The following IRAK2 variants were observed in gnomAD, a reference collection of about 807,000 sequenced individuals.
IRAK2 encodes the protein interleukin-1 receptor-associated kinase-like 2.
Under a neutral mutation model 72.0 loss-of-function variants are expected in IRAK2, and 57 were observed. That is an observed-to-expected ratio of 0.79 (90% CI 0.64 to 0.99). The LOEUF is 0.99. IRAK2 is among the 50% of genes least tolerant of loss of function. IRAK2 has a pLI of 0.00. For missense variants in IRAK2, 790 were observed against 794.4 expected, an observed-to-expected ratio of 0.99 and a Z score of 0.07; for synonymous variants, 293 against 312.7, an observed-to-expected ratio of 0.94 and a Z score of 0.67.
chr3:10,173,494 C>A (rs1358664523), intron 1 of IRAK2, among the ~76,000 whole-genome samples: 2 of 152,130 alleles, frequency 1.3e-5, no homozygotes, highest in African/African-American at 4.8e-5. Flanking sequence ...AGTGACTCAT[C>A]CCCTCAAGAT....
At chr3:10,196,027 G>C (rs1355079747) in intron 2 of IRAK2, among the ~76,000 whole-genome samples, 1 of 152,218 alleles carries the variant, frequency 6.6e-6, no homozygotes, top group East Asian at 1.9e-4. Context: ...TGTGCACCCT[G>C]GGAGCGACAG....
chr3:10,196,583 G>T lies in IRAK2; in HGVS notation c.278-3786G>T, dbSNP rs77734656. On this transcript the variant is annotated intron_variant, in intron 2 of 12. Transcript: ENST00000256458. The stretch of plus-strand genomic sequence containing the variant: ...GGCCTGATGGCAATCAGGATGGGGG[G>T]GTGTGGCCTATAGAACCACTGAAGT... 4.6e-3 allele frequency among the ~76,000 whole-genome samples: 697 copies of T among 152,318 alleles called. 8 individuals are homozygous for T. The highest frequency in any genetic ancestry group is 0.015 in the African/African-American group (643 of 41,570).
chr3:10,207,438 C>T (rs548523133), intron 3 of IRAK2, among the ~76,000 whole-genome samples: 48 of 152,256 alleles, frequency 3.2e-4, no homozygotes, highest in African/African-American at 1.1e-3. Flanking sequence ...TAGGTATTTC[C>T]AGATGATGAT....
rs923638033 is a variant in IRAK2, at chr3:10,186,784, T to C, written c.277+8764T>C. ...CTGGGTCTTTGTTTTCTTTCTTTCC[T>C]TTTTTTTTTTTTTTTTTTTTAAATA... On this transcript the variant is annotated intron_variant, in intron 2 of 12. Coordinates refer to ENST00000256458, the MANE Select transcript of IRAK2 (RefSeq NM_001570.4). Among the ~76,000 whole-genome samples the C allele has an allele frequency of 5.8e-5, 6 of 103,996 alleles. No individual in the cohort carries two copies. The East Asian group carries it at 1.5e-3, about 25-fold the overall frequency. The allele number at this position is 103,996 out of a possible 152,430, so 68.2% of individuals were successfully genotyped here.
chr3:10,215,412 AAAT>A (rs1216698163), intron 6 of IRAK2, among the ~76,000 whole-genome samples: 8 of 144,446 alleles, frequency 5.5e-5, no homozygotes, highest in African/African-American at 1.8e-4. Context: ...AAAAAAAAAA[AAAT>A]TAATTAATTA....
At position 10,231,681 on chromosome 3, in the gene IRAK2, T is replaced by A. The variant is rs564664302; in HGVS notation, c.1273-2778T>A. Among the ~76,000 whole-genome samples, 177 of 151,908 alleles carry A rather than the reference T, an allele frequency of 1.2e-3. 1 individual carries two copies. Among genetic ancestry groups the A allele is most frequent in the African/African-American group, 4.1e-3 (168 of 41,446 alleles). ...TGGTTATGTTTGTTTTTTTCATTTT[T>A]AAAAAAAAATTTTATGTGGAGATGG... is the stretch of plus-strand genomic sequence containing the variant. On this transcript the variant is annotated intron_variant, in intron 10 of 12. Transcript: ENST00000256458.
intron 2 of IRAK2, among the ~76,000 whole-genome samples, chr3:10,192,853 A>G (rs1249864866): frequency 6.6e-6 from 1 of 152,198 alleles, no homozygotes; most frequent in Non-Finnish European, 1.5e-5. Flanking sequence ...CAGGAGGCAG[A>G]AGTTGTAATG....
At chr3:10,206,307 G>A (rs1476250561) in intron 3 of IRAK2, among the ~76,000 whole-genome samples, 3 of 152,140 alleles carry the variant, frequency 2.0e-5, no homozygotes, top group East Asian at 1.9e-4. Flanking sequence ...GCAGATGCAG[G>A]GATTGATTGG....
chr3:10,201,554 C>T (rs769508100), intron 3 of IRAK2, among the ~76,000 whole-genome samples: 4 of 152,376 alleles, frequency 2.6e-5, no homozygotes, highest in East Asian at 1.9e-4. Flanking sequence ...TGAACACTCA[C>T]ATCCCTAAGC....
rs199981706 is a variant in IRAK2 at position 10,213,510 on chromosome 3, C to G, written c.750C>G (p.Ile250Met). 8 of 1,613,952 alleles carry G rather than the reference C, an allele frequency of 5.0e-6. No individual in the cohort carries two copies. Among genetic ancestry groups the G allele is most frequent in the Non-Finnish European group, 6.8e-6 (8 of 1,179,982 alleles). ...CAGCCTGTTCAAGTCCAGGATCAAT[C>G]GAAAGATTCTTCCAGGCAGAGTTGC... ...RETACSSPGS[I>M]ERFFQAELQI... The change falls in exon 6 of 13, where the codon ATC becomes ATG. Residue 250 changes from isoleucine (I) to methionine (M), a missense_variant. Physicochemically the swap from Ile to Met is conservative, Grantham distance 10. Coordinates refer to ENST00000256458, the MANE Select transcript of IRAK2 (RefSeq NM_001570.4).
chr3:10,168,210 T>C (rs1338352819), intron 1 of IRAK2, among the ~76,000 whole-genome samples: 1 of 136,344 alleles, frequency 7.3e-6, no homozygotes, highest in Non-Finnish European at 1.6e-5. Context: ...TTTTTTCTTT[T>C]TTTAATTTTT....
intron 10 of IRAK2, among the ~76,000 whole-genome samples, chr3:10,230,488 TCTG>T (rs1323715821): frequency 6.6e-6 from 1 of 152,118 alleles, no homozygotes; most frequent in Non-Finnish European, 1.5e-5. Context: ...GTGCCTGGCA[TCTG>T]ACAGGTTTAT....
intron 3 of IRAK2, among the ~76,000 whole-genome samples, chr3:10,208,449 C>T (rs1247339777): frequency 7.2e-6 from 1 of 138,590 alleles, no homozygotes; most frequent in Non-Finnish European, 1.5e-5. Context: ...TGTACACCAC[C>T]ATACCTGGCT....
chr3:10,165,131 C>A, intron 1 of IRAK2, 83 bp downstream of exon 1: 1 of 1,200,010 alleles, frequency 8.3e-7, no homozygotes, highest in Non-Finnish European at 1.2e-6. Flanking sequence ...CAAGCTCCCT[C>A]GGGCACCCGG....
intron 10 of IRAK2, among the ~76,000 whole-genome samples, chr3:10,231,174 C>T (rs1478591759): frequency 6.6e-6 from 1 of 152,010 alleles, no homozygotes; most frequent in Non-Finnish European, 1.5e-5. Context: ...AATATAAAAC[C>T]AAAATAATTA....
chr3:10,171,057 A>G (rs184149723), intron 1 of IRAK2, among the ~76,000 whole-genome samples: 47 of 152,310 alleles, frequency 3.1e-4, no homozygotes, highest in Admixed American at 1.6e-3. Flanking sequence ...GCTCTTTCAG[A>G]TCCGACACTT....
chr3:10,208,261 C>T (rs564753517), intron 3 of IRAK2, among the ~76,000 whole-genome samples: 1 of 152,056 alleles, frequency 6.6e-6, no homozygotes, highest in African/African-American at 2.4e-5. Flanking sequence ...TGCAGTGGTA[C>T]CTTATTTCCT....
chr3:10,216,687 A>G (rs1358013183), intron 6 of IRAK2, among the ~76,000 whole-genome samples: 1 of 152,032 alleles, frequency 6.6e-6, no homozygotes, highest in Non-Finnish European at 1.5e-5. Context: ...CCGTTTCTGG[A>G]GATGGGGCAG....
At chr3:10,205,328 G>C (rs1697419828) in intron 3 of IRAK2, among the ~76,000 whole-genome samples, 1 of 152,194 alleles carries the variant, frequency 6.6e-6, no homozygotes, top group Admixed American at 6.5e-5. Flanking sequence ...GAGATGGAGA[G>C]TAATGGCTGG....
Sources: gnomAD v4.1 joint callset for allele counts (sites outside exome capture counted in the v4.1 genomes callset) on GRCh38, gnomAD v4.1.1 for gene constraint, MANE v1.5 for transcripts, NCBI Gene and HGNC (gene_info 2026-07-23, HGNC 2026-07-21) for gene names.